The following KAZN variants were observed in gnomAD, a reference collection of about 807,000 sequenced individuals.
KAZN encodes the protein kazrin.
A neutral mutation model predicts 87.4 loss-of-function variants in KAZN; 40 were observed. That is an observed-to-expected ratio of 0.46 (90% CI 0.36 to 0.60). KAZN has a LOEUF of 0.60. Among genes scored for constraint, KAZN ranks in the 20% least tolerant of loss-of-function variants. KAZN has a pLI of 0.00. For missense variants in KAZN, 898 were observed against 1,073.9 expected (o/e 0.84, Z 2.29); for synonymous variants, 466 against 458.3 (o/e 1.02, Z -0.22).
chr1:14,491,695 G>A (rs564957127), intron 2 of KAZN, among the ~76,000 whole-genome samples: 2 of 152,226 alleles, frequency 1.3e-5, no homozygotes, highest in East Asian at 3.9e-4. Context: ...AGGAGTGGGT[G>A]TTGCATGTTA....
intron 1 of KAZN, among the ~76,000 whole-genome samples, chr1:14,928,002 G>C (rs897958986): frequency 6.6e-6 from 1 of 151,954 alleles, no homozygotes; most frequent in Non-Finnish European, 1.5e-5. Context: ...GGGAAGTGCA[G>C]TTGCTAATCC....
intron 1 of KAZN, among the ~76,000 whole-genome samples, chr1:14,902,227 A>ATTT (rs550847895): frequency 6.9e-6 from 1 of 144,852 alleles, no homozygotes; most frequent in Non-Finnish European, 1.5e-5. Context: ...GAGAACTGCA[A>ATTT]TTTTTTTTTT....
intron 1 of KAZN, among the ~76,000 whole-genome samples, chr1:13,954,113 TA>T: frequency 6.6e-6 from 1 of 152,178 alleles, no homozygotes; most frequent in African/African-American, 2.4e-5. Context: ...AACTGCAGTT[TA>T]AAAACGCACC....
chr1:14,551,712 A>G (rs1374689110), intron 2 of KAZN, among the ~76,000 whole-genome samples: 2 of 152,160 alleles, frequency 1.3e-5, no homozygotes, highest in African/African-American at 4.8e-5. Context: ...GAGACATCTA[A>G]GCCTCCCAAC....
chr1:14,697,367 G>A (rs989368602), intron 1 of KAZN, among the ~76,000 whole-genome samples: 7 of 152,042 alleles, frequency 4.6e-5, no homozygotes, highest in African/African-American at 1.7e-4. Context: ...AAAAGAAAAA[G>A]AAAAGGATGG....
At chr1:14,849,639 T>C (rs1307928324) in intron 1 of KAZN, among the ~76,000 whole-genome samples, 1 of 152,204 alleles carries the variant, frequency 6.6e-6, no homozygotes, top group Non-Finnish European at 1.5e-5. Context: ...TACCTAGCCT[T>C]CCTGTCGGTA....
chr1:14,608,355 C>T (rs1420904687), intron 1 of KAZN, among the ~76,000 whole-genome samples: 1 of 152,172 alleles, frequency 6.6e-6, no homozygotes, highest in Non-Finnish European at 1.5e-5. Flanking sequence ...ATAGGTATAA[C>T]TGACATGAAA....
intron 2 of KAZN, among the ~76,000 whole-genome samples, chr1:14,292,215 C>T (rs1425962524): frequency 6.6e-6 from 1 of 152,198 alleles, no homozygotes; most frequent in Non-Finnish European, 1.5e-5. Flanking sequence ...GTCACAGAAG[C>T]AATGAAAGTA....
intron 2 of KAZN, among the ~76,000 whole-genome samples, chr1:14,393,219 A>G (rs1662606549): frequency 6.6e-6 from 1 of 152,194 alleles, no homozygotes; most frequent in Non-Finnish European, 1.5e-5. Context: ...ACTTTCTCAA[A>G]GTATTTTTGC....
chr1:14,830,105 A>C (rs995462129), intron 1 of KAZN, among the ~76,000 whole-genome samples: 1 of 152,250 alleles, frequency 6.6e-6, no homozygotes, highest in African/African-American at 2.4e-5. Context: ...TATTATTAAA[A>C]AGGCCAAAGG....
chr1:14,445,872 C>T (rs1666957237), intron 2 of KAZN, among the ~76,000 whole-genome samples: 2 of 152,090 alleles, frequency 1.3e-5, no homozygotes, highest in African/African-American at 2.4e-5. Context: ...GGAGAAAACC[C>T]TTACGCTGAG....
At chr1:14,870,507 A>C (rs2101055724) in intron 1 of KAZN, among the ~76,000 whole-genome samples, 1 of 152,086 alleles carries the variant, frequency 6.6e-6, no homozygotes, top group East Asian at 1.9e-4. Flanking sequence ...ACACTGGCTA[A>C]TTTTTGTATT....
chr1:14,679,230 G>A (rs553107167), intron 1 of KAZN, among the ~76,000 whole-genome samples: 4 of 152,226 alleles, frequency 2.6e-5, no homozygotes, highest in African/African-American at 9.6e-5. Context: ...ACCAGGGTCG[G>A]TTAGCAGGCT....
chr1:14,283,759 A>G (rs1406506343), intron 2 of KAZN, among the ~76,000 whole-genome samples: 3 of 152,180 alleles, frequency 2.0e-5, no homozygotes, highest in African/African-American at 7.2e-5. Flanking sequence ...AGAATTGAAG[A>G]CCTATATCCA....
chr1:15,047,335 G>C (rs1027362778), intron 4 of KAZN, among the ~76,000 whole-genome samples: 3 of 152,152 alleles, frequency 2.0e-5, no homozygotes, highest in East Asian at 1.9e-4. Flanking sequence ...CCTTCCTCGG[G>C]GGGTGCCTTA....
intron 1 of KAZN, among the ~76,000 whole-genome samples, chr1:13,985,412 T>C (rs1304004331): frequency 6.6e-6 from 1 of 151,388 alleles, no homozygotes; most frequent in African/African-American, 2.4e-5. Context: ...TGTAGGGACA[T>C]GGATGAAATT....
chr1:14,382,389 A>G (rs1661440281), intron 2 of KAZN, among the ~76,000 whole-genome samples: 1 of 150,986 alleles, frequency 6.6e-6, no homozygotes, highest in South Asian at 2.1e-4. Flanking sequence ...ACATATGTAT[A>G]CATGTACCAT....
chr1:14,488,137 T>A (rs1669447276), intron 2 of KAZN, among the ~76,000 whole-genome samples: 2 of 152,216 alleles, frequency 1.3e-5, no homozygotes, highest in South Asian at 4.1e-4. Flanking sequence ...AGAAGAAACC[T>A]GTCTCCCTTT....
intron 2 of KAZN, among the ~76,000 whole-genome samples, chr1:14,534,422 A>G (rs768801761): frequency 6.6e-6 from 1 of 152,210 alleles, no homozygotes; most frequent in Non-Finnish European, 1.5e-5. Context: ...AGGCAGGCAG[A>G]TCGCCTGAGG....
Sources: gnomAD v4.1 joint callset for allele counts (sites outside exome capture counted in the v4.1 genomes callset) on GRCh38, gnomAD v4.1.1 for gene constraint, MANE v1.5 for transcripts, NCBI Gene and HGNC (gene_info 2026-07-23, HGNC 2026-07-21) for gene names.